Variants in POLN observed in about 807,000 individuals in gnomAD.
The protein encoded by POLN is DNA polymerase nu, also known as DNA polymerase N.
In POLN, 108 loss-of-function variants were observed where a neutral mutation model predicts 113.5. The ratio of observed to expected loss-of-function variants is 0.95; its 90% CI spans 0.81 to 1.12. The LOEUF (loss-of-function observed/expected upper bound fraction) is 1.12, where lower values mean the gene tolerates loss of function less well. Ranked by LOEUF, POLN falls within the 50% of genes most tolerant of loss-of-function variation. POLN has a pLI of 0.00. For missense variants in POLN, 1,097 were observed against 1,077.1 expected (o/e 1.02, Z -0.26); for synonymous variants, 386 against 391.5 (o/e 0.99, Z 0.17).
intron 16 of POLN, among the ~76,000 whole-genome samples, chr4:2,132,474 T>C (rs898727190): frequency 2.0e-5 from 3 of 152,232 alleles, no homozygotes; most frequent in Non-Finnish European, 4.4e-5. Context: ...AGACATACTT[T>C]TTCCAATTTG....
chr4:2,170,021 T>C (rs990307703), intron 13 of POLN, among the ~76,000 whole-genome samples: 19 of 152,204 alleles, frequency 1.2e-4, no homozygotes, highest in African/African-American at 4.3e-4. Context: ...GGAGAGGGAA[T>C]AGGGCCAGAG....
intron 7 of POLN, among the ~76,000 whole-genome samples, chr4:2,186,599 C>T (rs1467340379): frequency 6.6e-6 from 1 of 152,154 alleles, no homozygotes; most frequent in Admixed American, 6.5e-5. Flanking sequence ...AGATATTTAA[C>T]AGGTATATTG....
intron 16 of POLN, among the ~76,000 whole-genome samples, chr4:2,137,446 C>G (rs534661818): frequency 8.7e-4 from 132 of 152,344 alleles, no homozygotes; most frequent in Middle Eastern, 3.4e-3. Context: ...AGGGCCACAG[C>G]AGCACACCTG....
chr4:2,236,230 G>C (rs1037447834), intron 2 of POLN: 2 of 1,591,576 alleles, frequency 1.3e-6, no homozygotes. Flanking sequence ...ATACCCACCT[G>C]ATCACTAAGC....
intron 20 of POLN, among the ~76,000 whole-genome samples, chr4:2,086,485 A>G (rs1045874798): frequency 2.0e-5 from 3 of 152,110 alleles, no homozygotes; most frequent in African/African-American, 7.2e-5. Context: ...TCTTCACTGT[A>G]TATTAGGAAC....
At chr4:2,159,095 A>T (rs1241053738) in intron 14 of POLN, 60 bp downstream of exon 14, 10 of 1,244,698 alleles carry the variant, frequency 8.0e-6, no homozygotes, top group African/African-American at 1.5e-5. Context: ...TGACAGACAC[A>T]GGGCCATATG....
At chr4:2,208,793 G>A (rs1427161965) in intron 4 of POLN, among the ~76,000 whole-genome samples, 1 of 152,108 alleles carries the variant, frequency 6.6e-6, no homozygotes, top group Non-Finnish European at 1.5e-5. Flanking sequence ...AATTCGAGAT[G>A]AGTCTGGCCA....
intron 2 of POLN, among the ~76,000 whole-genome samples, chr4:2,237,496 G>A (rs1734808773): frequency 6.6e-6 from 1 of 150,996 alleles, no homozygotes; most frequent in South Asian, 2.1e-4. Flanking sequence ...GAAAGGGAGA[G>A]GAAGGAAGGG....
At chr4:2,145,888 C>T (rs1018871832) in intron 16 of POLN, among the ~76,000 whole-genome samples, 1 of 151,958 alleles carries the variant, frequency 6.6e-6, no homozygotes, top group African/African-American at 2.4e-5. Flanking sequence ...TTGGAAACAA[C>T]CTAGTATATC....
rs766485814 is a variant in POLN at position 2,085,674 on chromosome 4, C to CA, written c.2135dup (p.Leu712PhefsTer41). 1.7e-5 allele frequency: 27 copies of CA among 1,613,952 alleles called. No homozygotes were observed. Among genetic ancestry groups the CA allele is most frequent in the Non-Finnish European group, 2.2e-5 (26 of 1,180,032 alleles). On this transcript the variant is annotated frameshift_variant, in exon 21 of 26. Coordinates refer to ENST00000511885, the MANE Select transcript of POLN (RefSeq NM_181808.4). LOFTEE classifies it high-confidence loss of function. ...AGTCCTTGATTTTCTTGTACTTCTGCAAAAAACTCTCCAAAAACTGGGCAG... is the reference window on the plus strand; with the variant it reads ...AGTCCTTGATTTTCTTGTACTTCTGCAAAAAAACTCTCCAAAAACTGGGCAG...
intron 13 of POLN, among the ~76,000 whole-genome samples, chr4:2,166,170 C>A (rs1732723434): frequency 6.6e-6 from 1 of 152,216 alleles, no homozygotes; most frequent in South Asian, 2.1e-4. Context: ...CTACATTCCT[C>A]CCCATGGCCT....
In POLN at chr4:2,193,262, A is replaced by G; in HGVS notation, c.963T>C (p.Ala321=). The part of the protein sequence containing the change: ...KCKCPVICFN[A]KDFVRIVLQF... ...GCAGCACTATTCTCACAAAATCCTTAGCATTAAAACAAATAACAGGACATT... is the reference window on the plus strand; with the variant it reads ...GCAGCACTATTCTCACAAAATCCTTGGCATTAAAACAAATAACAGGACATT... The change falls in exon 7 of 26, where the codon GCT becomes GCC. Residue 321 remains alanine (A), a synonymous_variant. Coordinates refer to ENST00000511885, the MANE Select transcript of POLN (RefSeq NM_181808.4). The G allele has an allele frequency of 6.2e-7, 1 of 1,611,132 alleles. No individual in the cohort carries two copies. The highest frequency in any genetic ancestry group is 8.5e-7 in the Non-Finnish European group (1 of 1,178,732).
chr4:2,144,177 C>G (rs1201841679), intron 16 of POLN, among the ~76,000 whole-genome samples: 1 of 140,558 alleles, frequency 7.1e-6, no homozygotes, highest in Non-Finnish European at 1.5e-5. Context: ...TGGAGTCTCA[C>G]TCTATCACCC....
At chr4:2,107,044 T>C (rs1040371056) in intron 19 of POLN, among the ~76,000 whole-genome samples, 2 of 152,146 alleles carry the variant, frequency 1.3e-5, no homozygotes, top group Admixed American at 1.3e-4. Flanking sequence ...TGTGCTATTC[T>C]ATTTTTCACA....
chr4:2,148,354 G>A (rs1732201748), intron 16 of POLN, among the ~76,000 whole-genome samples: 1 of 152,080 alleles, frequency 6.6e-6, no homozygotes, highest in Non-Finnish European at 1.5e-5. Context: ...ATGGAGAGGA[G>A]AGAAAAGGAG....
At chr4:2,115,433 C>T (rs1731294221) in intron 19 of POLN, among the ~76,000 whole-genome samples, 1 of 151,904 alleles carries the variant, frequency 6.6e-6, no homozygotes, top group African/African-American at 2.4e-5. Flanking sequence ...GTTTTCACTT[C>T]TCTATTGAAA....
rs866239796 is a variant in POLN at position 2,170,148 on chromosome 4, T to C, written c.1554+531A>G. Among the ~76,000 whole-genome samples the C allele has an allele frequency of 7.2e-5, 11 of 152,318 alleles. No individual in the cohort carries two copies. In the Middle Eastern group the frequency reaches 0.014, roughly 188 times the overall value. On this transcript the variant is annotated intron_variant, in intron 13 of 25. Coordinates refer to ENST00000511885, the MANE Select transcript of POLN (RefSeq NM_181808.4). ...TCACCACAGTAACCAATATTCACAA[T>C]AACATGAATTCACTTATTTACTGAC...
intron 3 of POLN, among the ~76,000 whole-genome samples, chr4:2,220,445 T>C (rs1290588610): frequency 6.6e-6 from 1 of 152,212 alleles, no homozygotes; most frequent in Non-Finnish European, 1.5e-5. Context: ...AGTTTAGTGA[T>C]ACCCCATAGG....
rs1327725073 is a variant in POLN at position 2,115,270 on chromosome 4, G to T, written c.1982+12843C>A. ...TTTAGTAGAGATGGGGTTTCACCAT[G>T]TTGGCCAGGCTGGTTTCGAACTCCT... is the stretch of plus-strand genomic sequence containing the variant. On this transcript the variant is annotated intron_variant, in intron 19 of 25. Transcript: ENST00000511885. Among the ~76,000 whole-genome samples the T allele has an allele frequency of 4.8e-5, 7 of 145,598 alleles. No individual in the cohort carries two copies. In the East Asian group the frequency reaches 6.0e-4, roughly 13 times the overall value.
Sources: allele counts gnomAD v4.1 joint callset (sites outside exome capture counted in the v4.1 genomes callset), GRCh38; gene constraint gnomAD v4.1.1; transcripts MANE v1.5; gene names NCBI Gene and HGNC (gene_info 2026-07-23, HGNC 2026-07-21).